DOCK5: variants seen among roughly 807,000 people sequenced by gnomAD.
DOCK5 encodes the protein dedicator of cytokinesis protein 5.
Under a neutral mutation model 251.8 loss-of-function variants are expected in DOCK5, and 142 were observed. That is an observed-to-expected ratio of 0.56 (90% confidence interval 0.49 to 0.65). The LOEUF (loss-of-function observed/expected upper bound fraction) is 0.65, where lower values mean the gene tolerates loss of function less well. DOCK5 is among the 30% of genes least tolerant of loss of function. The probability of loss-of-function intolerance (pLI) is 0.00; values close to 1 mark genes in which losing one functional copy is unlikely to be tolerated. For synonymous variants in DOCK5, 842 were observed against 835.5 expected (o/e 1.01, Z -0.13); for missense variants, 2,111 against 2,312.3 (o/e 0.91, Z 1.79).
intron 26 of DOCK5, among the ~76,000 whole-genome samples, chr8:25,348,138 T>C (rs1003942101): frequency 8.5e-5 from 13 of 152,330 alleles, no homozygotes; most frequent in Middle Eastern, 3.4e-3. Context: ...TCTCTTCTCT[T>C]ATCCTCTCAT....
intron 27 of DOCK5, among the ~76,000 whole-genome samples, chr8:25,356,502 A>G (rs1800571735): frequency 6.6e-6 from 1 of 152,032 alleles, no homozygotes; most frequent in South Asian, 2.1e-4. Flanking sequence ...CCTGTCTTAA[A>G]AAAAATACAC....
chr8:25,222,228 A>G (rs1406496002), intron 1 of DOCK5, among the ~76,000 whole-genome samples: 1 of 152,142 alleles, frequency 6.6e-6, no homozygotes, highest in Non-Finnish European at 1.5e-5. Flanking sequence ...TAGGGTGGCT[A>G]TGGATTTGTC....
chr8:25,392,893 T>A lies in DOCK5; in HGVS notation c.4527+11T>A. 6.2e-7 allele frequency: 1 copy of A among 1,602,784 alleles called. No homozygotes were observed. On this transcript the variant is annotated intron_variant, in intron 44 of 51. Transcript: ENST00000276440. ...AAACAGATTTCAACAGTGAGTCATT[T>A]GAAATTGGCATTTAGAAAAAAACTT...
At chr8:25,336,116 A>C in intron 21 of DOCK5, 123 bp from the exon 22 acceptor site, 1 of 1,088,494 alleles carries the variant, frequency 9.2e-7, no homozygotes. Flanking sequence ...GGCATATTCT[A>C]GAAGATATAA....
At chr8:25,343,804 TTTTTG>T (rs566168781) in intron 25 of DOCK5, among the ~76,000 whole-genome samples, 1 of 152,026 alleles carries the variant, frequency 6.6e-6, no homozygotes, top group Non-Finnish European at 1.5e-5. Context: ...AGCAAGCGTT[TTTTTG>T]TTTTGTTTTG....
chr8:25,339,466 G>T (rs900444826), intron 22 of DOCK5, among the ~76,000 whole-genome samples: 2 of 152,180 alleles, frequency 1.3e-5, no homozygotes, highest in African/African-American at 2.4e-5. Flanking sequence ...AGGGAGGCAA[G>T]GAGTAAAGAA....
chr8:25,236,984 C>A (rs564362459), intron 1 of DOCK5, among the ~76,000 whole-genome samples: 3 of 152,068 alleles, frequency 2.0e-5, no homozygotes, highest in Non-Finnish European at 4.4e-5. Flanking sequence ...TTTGTAGATT[C>A]TATCAGGTGA....
intron 1 of DOCK5, among the ~76,000 whole-genome samples, chr8:25,227,793 G>T (rs186741741): frequency 6.2e-4 from 94 of 152,308 alleles, no homozygotes; most frequent in African/African-American, 2.1e-3. Flanking sequence ...AAACTACAAA[G>T]TATTAGATAA....
At chr8:25,241,322 A>C (rs999180165) in intron 1 of DOCK5, among the ~76,000 whole-genome samples, 7 of 151,944 alleles carry the variant, frequency 4.6e-5, no homozygotes, top group East Asian at 1.9e-4. Flanking sequence ...TAAAAACACA[A>C]AAAAAATTAG....
chr8:25,196,441 G>C (rs1284151753), intron 1 of DOCK5, among the ~76,000 whole-genome samples: 1 of 152,164 alleles, frequency 6.6e-6, no homozygotes, highest in African/African-American at 2.4e-5. Context: ...CATATGTACT[G>C]TACACTCAAT....
intron 2 of DOCK5, among the ~76,000 whole-genome samples, chr8:25,251,188 C>T (rs1016438378): frequency 3.3e-5 from 5 of 152,112 alleles, no homozygotes; most frequent in African/African-American, 1.2e-4. Context: ...CGAGAAAGGG[C>T]GGCTGGTATG....
Position 25,372,763 on chromosome 8 carries a change from G to T in DOCK5, c.3684+45G>T, listed in dbSNP as rs778199598. On this transcript the variant is annotated intron_variant, in intron 35 of 51. Coordinates refer to ENST00000276440, the MANE Select transcript of DOCK5 (RefSeq NM_024940.8). ...TGTGATGGGAGGGTACTGTCAGGCC[G>T]CCCCTGCACCCTACAGCTCAGCTCT... is the stretch of plus-strand genomic sequence containing the variant. The T allele has an allele frequency of 7.0e-6, 11 of 1,566,378 alleles. No homozygotes were observed. In the East Asian group the frequency reaches 2.3e-4, roughly 33 times the overall value.
intron 1 of DOCK5, among the ~76,000 whole-genome samples, chr8:25,228,818 GAATTT>G (rs1563316130): frequency 2.6e-5 from 4 of 151,546 alleles, no homozygotes; most frequent in Admixed American, 2.0e-4. Context: ...ATTTCATTTG[GAATTT>G]AATTTAGTCT....
chr8:25,336,272 T>C lies in DOCK5; in HGVS notation c.2226T>C (p.Ala742=), dbSNP rs1461657909. The C allele has an allele frequency of 6.2e-7, 1 of 1,613,916 alleles. No homozygotes were observed. Among genetic ancestry groups the C allele is most frequent in the African/African-American group, 1.3e-5 (1 of 75,054 alleles). ...KLSKVLNFYV[A]NADDSSKTEL... ...CCAAGGTACTGAACTTCTATGTGGC[T>C]AATGCAGATGACTCCAGCAAGACTG... The change falls in exon 22 of 52, where the codon GCT becomes GCC. Residue 742 remains alanine, a synonymous_variant. Transcript: ENST00000276440.
Position 25,299,084 on chromosome 8 carries a change from C to G in DOCK5, c.747C>G (p.Asp249Glu). ...AELFMALYDP[D>E]QSTFISENYL... ...TGTTTATGGCCCTCTACGACCCAGA[C>G]CAGTCCACTTTTATCAGGTAGCAGA... Residue 249 changes from aspartate (D) to glutamate (E), a missense_variant, in exon 8 of 52, where the codon GAC (aspartate) becomes GAG (glutamate). Physicochemically the swap from Asp to Glu is conservative, Grantham distance 45. This residue lies in a region of DOCK5 where 335 missense variants were observed against 324.9 expected (regional missense o/e 1.03). Coordinates refer to ENST00000276440, the MANE Select transcript of DOCK5 (RefSeq NM_024940.8). 1 of 1,613,614 alleles carries G rather than the reference C, an allele frequency of 6.2e-7. No homozygotes were observed. Among genetic ancestry groups the G allele is most frequent in the Non-Finnish European group, 8.5e-7 (1 of 1,179,744 alleles).
chr8:25,391,386 CT>C (rs1801257735), intron 42 of DOCK5, among the ~76,000 whole-genome samples: 1 of 152,124 alleles, frequency 6.6e-6, no homozygotes, highest in South Asian at 2.1e-4. Flanking sequence ...AAATTGTGTG[CT>C]GTGACTTTGA....
At chr8:25,302,290 C>A in intron 9 of DOCK5, 35 bp from the exon 10 acceptor site, 1 of 1,573,306 alleles carries the variant, frequency 6.4e-7, no homozygotes, top group Non-Finnish European at 8.6e-7. Flanking sequence ...AGTGGTCCAG[C>A]CCCACCTCCT....
chr8:25,319,768 T>A, intron 15 of DOCK5, 92 bp downstream of exon 15: 3 of 955,538 alleles, frequency 3.1e-6, no homozygotes, highest in Non-Finnish European at 4.6e-6. Context: ...CTACTTTATT[T>A]TGAAATTTTT....
intron 26 of DOCK5, among the ~76,000 whole-genome samples, chr8:25,346,904 G>C (rs1215384763): frequency 1.3e-5 from 2 of 151,958 alleles, no homozygotes; most frequent in African/African-American, 4.8e-5. Flanking sequence ...CACAGGCCTA[G>C]CAGAGCCCCC....
Sources: allele counts gnomAD v4.1 joint callset (sites outside exome capture counted in the v4.1 genomes callset), GRCh38; gene constraint gnomAD v4.1.1; regional missense constraint gnomAD v4.1.1; transcripts MANE v1.5; gene names NCBI Gene and HGNC (gene_info 2026-07-23, HGNC 2026-07-21).